Variants in RCN3 observed in about 807,000 individuals in gnomAD.
RCN3 encodes the protein reticulocalbin-3.
A neutral mutation model predicts 35.9 loss-of-function variants in RCN3; 41 were observed. The observed-to-expected ratio is 1.14, with a 90% CI of 0.89 to 1.48. The LOEUF (loss-of-function observed/expected upper bound fraction) is 1.48, where lower values mean the gene tolerates loss of function less well. Among genes scored for constraint, RCN3 ranks in the 40% most tolerant of loss-of-function variants. The pLI is 0.00. For missense variants in RCN3, 451 were observed against 471.3 expected, an observed-to-expected ratio of 0.96 and a Z score of 0.40; for synonymous variants, 187 against 193.4, an observed-to-expected ratio of 0.97 and a Z score of 0.27.
chr19:49,538,218 A>T (rs2080146278), intron 4 of RCN3, among the ~76,000 whole-genome samples: 1 of 145,098 alleles, frequency 6.9e-6, no homozygotes, highest in Admixed American at 7.1e-5. Context: ...GCTGGAGTGC[A>T]GTGATGCGAT....
chr19:49,530,537 C>T lies in RCN3; in HGVS notation c.242+1823C>T, dbSNP rs550893968. 2.1e-5 allele frequency among the ~76,000 whole-genome samples: 3 copies of T among 143,386 alleles called. No homozygotes were observed. The East Asian group carries it at 6.4e-4, about 31-fold the overall frequency. The allele number at this position is 143,386 out of a possible 152,430, so 94.1% of individuals were successfully genotyped here. On this transcript the variant is annotated intron_variant, in intron 2 of 6. Transcript: ENST00000270645. ...TTGAGACGGAGTTTTGCTCTTGTTG[C>T]CCAGGCTGGAGTGCAGTGGCGCAAT...
Position 49,543,320 on chromosome 19 carries a change from C to G in RCN3, c.*107C>G. The G allele has an allele frequency of 1.1e-6, 1 of 884,810 alleles. No individual in the cohort carries two copies. Among genetic ancestry groups the G allele is most frequent in the Non-Finnish European group, 1.8e-6 (1 of 548,290 alleles). The allele number at this position is 884,810 out of a possible 1,614,324, so 54.8% of individuals were successfully genotyped here. On this transcript the variant is annotated 3_prime_UTR_variant, in exon 7 of 7. Transcript: ENST00000270645. Reference sequence around the variant, plus strand: ...AGGCCCCGCAGGAGGCAGATGCAGTCCCAGGCATCCTCCTGCCCCTGGGCT... The same window carrying G: ...AGGCCCCGCAGGAGGCAGATGCAGTGCCAGGCATCCTCCTGCCCCTGGGCT...
At chr19:49,540,899 A>C (rs2080159811) in intron 5 of RCN3, among the ~76,000 whole-genome samples, 1 of 150,504 alleles carries the variant, frequency 6.6e-6, no homozygotes, top group Admixed American at 6.7e-5. Context: ...CAAGGAGGTC[A>C]CAGGCCCCAG....
chr19:49,537,589 C>T (rs1482592263), intron 4 of RCN3, among the ~76,000 whole-genome samples: 3 of 152,006 alleles, frequency 2.0e-5, no homozygotes, highest in Admixed American at 6.6e-5. Flanking sequence ...TCACTGCAAC[C>T]TCCGCCTCCC....
At chr19:49,528,738 C>G (rs2080094284) in intron 2 of RCN3, 24 bp downstream of exon 2, 1 of 1,545,410 alleles carries the variant, frequency 6.5e-7, no homozygotes, top group Admixed American at 1.9e-5. Flanking sequence ...TCGGTTGGGG[C>G]GTGTCCAGAG....
chr19:49,538,990 A>C (rs750609338), intron 4 of RCN3, 129 bp from the exon 5 acceptor site: 1 of 604,252 alleles, frequency 1.7e-6, no homozygotes, highest in Non-Finnish European at 2.9e-6. Context: ...AGACTGCTCT[A>C]CTGCCTGCCT....
In RCN3 at chr19:49,542,734, C is replaced by T. The variant is rs780204841; in HGVS notation, c.861C>T (p.His287=). 8.8e-6 allele frequency: 14 copies of T among 1,590,416 alleles called. No individual in the cohort carries two copies. The East Asian group carries it at 9.1e-5, about 10-fold the overall frequency. ...TGGTGGAAGCCAACCACCTGCTGCACGAGAGCGACACGGACAAGGTGCAGT... is the reference window on the plus strand; with the variant it reads ...TGGTGGAAGCCAACCACCTGCTGCATGAGAGCGACACGGACAAGGTGCAGT... ...QPLVEANHLL[H]ESDTDKDGRL... Residue 287 remains histidine, a synonymous_variant, in exon 6 of 7, where the codon CAC becomes CAT. Coordinates refer to ENST00000270645, the MANE Select transcript of RCN3 (RefSeq NM_020650.3).
In RCN3 at chr19:49,543,266, G is replaced by GC; in HGVS notation, c.*55dup. On this transcript the variant is annotated 3_prime_UTR_variant, in exon 7 of 7. Coordinates refer to ENST00000270645, the MANE Select transcript of RCN3 (RefSeq NM_020650.3). ...GGCCCGCACAATGACCGGAGGAGGG[G>GC]CCGCTGTGGTCTGGCCCCCTCCCTG... 1.4e-6 allele frequency: 2 copies of GC among 1,446,976 alleles called. No individual in the cohort carries two copies. The highest frequency in any genetic ancestry group is 1.9e-6 in the Non-Finnish European group (2 of 1,038,208). The allele number at this position is 1,446,976 out of a possible 1,614,324, so 89.6% of individuals were successfully genotyped here. A position where few individuals can be genotyped will look rare whatever the true frequency, so the allele number is the denominator to read the frequency against.
intron 5 of RCN3, 107 bp downstream of exon 5, chr19:49,539,286 C>A (rs2080151949): frequency 2.4e-6 from 2 of 840,056 alleles, no homozygotes; most frequent in Non-Finnish European, 3.7e-6. Flanking sequence ...GAACAGTGGC[C>A]CTCAGACATG....
chr19:49,537,474 C>T (rs144076822), intron 4 of RCN3, among the ~76,000 whole-genome samples: 1 of 152,146 alleles, frequency 6.6e-6, no homozygotes, highest in Non-Finnish European at 1.5e-5. Flanking sequence ...TTCCCTCAGA[C>T]AGCCACTGTG....
In RCN3 at chr19:49,543,427, C is replaced by T. The variant is rs1694437133; in HGVS notation, c.*214C>T. 3 of 587,334 alleles carry T rather than the reference C, an allele frequency of 5.1e-6. No homozygotes were observed. Among genetic ancestry groups the T allele is most frequent in the South Asian group, 2.0e-5 (1 of 50,694 alleles). 36.4% of individuals were successfully genotyped at this position (587,334 alleles called of 1,614,324 possible). A position where few individuals can be genotyped will look rare whatever the true frequency, so the allele number is the denominator to read the frequency against. On this transcript the variant is annotated 3_prime_UTR_variant, in exon 7 of 7. Transcript: ENST00000270645. ...GGCTGTCATAGTCCCAGAGGATAAG[C>T]AATACCTATTTCTGACTGAGTCTCC...
rs189294506 is a variant in RCN3, at chr19:49,528,376, T to A, written c.-6-91T>A. ...AGCCAACTTCCAACTCCCTGTCCTG[T>A]CCTAGGTAACCCCTCCACCCCGCCA... is the stretch of plus-strand genomic sequence containing the variant. On this transcript the variant is annotated intron_variant, in intron 1 of 6. Coordinates refer to ENST00000270645, the MANE Select transcript of RCN3 (RefSeq NM_020650.3). 1,588 of 1,277,128 alleles carry A rather than the reference T, an allele frequency of 1.2e-3. 15 individuals carry two copies. Among genetic ancestry groups the A allele is most frequent in the Middle Eastern group, 2.6e-3 (10 of 3,788 alleles). The allele number at this position is 1,277,128 out of a possible 1,614,324, so 79.1% of individuals were successfully genotyped here. A position where few individuals can be genotyped will look rare whatever the true frequency, so the allele number is the denominator to read the frequency against.
At chr19:49,528,815 A>C in intron 2 of RCN3, 101 bp downstream of exon 2, 2 of 1,317,246 alleles carry the variant, frequency 1.5e-6, no homozygotes, top group Non-Finnish European at 1.0e-6. Flanking sequence ...ACTGAACTTC[A>C]TTTCTTTGTG....
chr19:49,534,105 C>T (rs2098809340), intron 2 of RCN3, 88 bp from the exon 3 acceptor site: 1 of 1,253,268 alleles, frequency 8.0e-7, no homozygotes, highest in Non-Finnish European at 1.0e-6. Context: ...AGCCCCGGAT[C>T]CGAAGTGTCC....
intron 5 of RCN3, 47 bp downstream of exon 5, chr19:49,539,226 C>T (rs1251089245): frequency 5.9e-6 from 9 of 1,517,442 alleles, no homozygotes; most frequent in Non-Finnish European, 8.2e-6. Flanking sequence ...CTCTCTCAGG[C>T]ATGGGCAGGG....
rs2080157840 is a variant in RCN3 at position 49,540,480 on chromosome 19, C to G, written c.679+1301C>G. On this transcript the variant is annotated intron_variant, in intron 5 of 6. Coordinates refer to ENST00000270645, the MANE Select transcript of RCN3 (RefSeq NM_020650.3). ...ACTAAAAATACAAAAATTAGCCGGG[C>G]CTGTTGGCAGGAGCCTGTAATCCCA... Among the ~76,000 whole-genome samples, 6 of 152,038 alleles carry G rather than the reference C, an allele frequency of 3.9e-5. No individual in the cohort carries two copies. The South Asian group carries it at 1.2e-3, about 32-fold the overall frequency.
intron 5 of RCN3, among the ~76,000 whole-genome samples, chr19:49,540,769 G>A (rs1055685008): frequency 4.3e-4 from 65 of 151,458 alleles, no homozygotes; most frequent in Non-Finnish European, 5.9e-4. Flanking sequence ...GGCACAGTGC[G>A]GCCTCTGGAG....
intron 2 of RCN3, among the ~76,000 whole-genome samples, chr19:49,532,461 C>G (rs1011308129): frequency 2.0e-5 from 3 of 151,718 alleles, no homozygotes; most frequent in African/African-American, 7.3e-5. Flanking sequence ...CTGCAACCTA[C>G]GCCTCCTGGG....
chr19:49,538,223 TG>T, intron 4 of RCN3, among the ~76,000 whole-genome samples: 1 of 150,458 alleles, frequency 6.6e-6, no homozygotes, highest in South Asian at 2.1e-4. Flanking sequence ...AGTGCAGTGA[TG>T]CGATCTCGGC....
Sources: allele counts gnomAD v4.1 joint callset (sites outside exome capture counted in the v4.1 genomes callset), GRCh38; gene constraint gnomAD v4.1.1; transcripts MANE v1.5; gene names NCBI Gene and HGNC (gene_info 2026-07-23, HGNC 2026-07-21).